FSTL4: variants seen among roughly 807,000 people sequenced by gnomAD.
The protein encoded by FSTL4 is follistatin-related protein 4.
A neutral mutation model predicts 78.2 loss-of-function variants in FSTL4; 28 were observed. The ratio of observed to expected loss-of-function variants is 0.36; its 90% CI spans 0.27 to 0.49. The LOEUF (loss-of-function observed/expected upper bound fraction) is 0.49. Among genes scored for constraint, FSTL4 ranks in the 20% least tolerant of loss-of-function variants. The probability of loss-of-function intolerance (pLI) is 0.98; values close to 1 mark genes in which losing one functional copy is unlikely to be tolerated. For synonymous variants in FSTL4, 422 were observed against 440.5 expected (o/e 0.96, Z 0.53); for missense variants, 922 against 1,084.9 (o/e 0.85, Z 2.11).
intron 2 of FSTL4, among the ~76,000 whole-genome samples, chr5:133,573,234 G>C (rs1309458096): frequency 7.0e-6 from 1 of 142,674 alleles, no homozygotes; most frequent in South Asian, 2.3e-4. Flanking sequence ...ACAGAGTAAG[G>C]CTCTGTCTCA....
rs113257491 is a variant in FSTL4, at chr5:133,491,612, C to T, written c.160+75574G>A. ...AGAGACAGGGTTTCACCATGTTAAC[C>T]AGGATGGTCTCAATCTCCTGACCTC... is the stretch of plus-strand genomic sequence containing the variant. On this transcript the variant is annotated intron_variant, in intron 3 of 15. Coordinates refer to ENST00000265342, the MANE Select transcript of FSTL4 (RefSeq NM_015082.2). 8.7e-3 allele frequency among the ~76,000 whole-genome samples: 1,327 copies of T among 152,130 alleles called. 18 individuals carry two copies. Among genetic ancestry groups the T allele is most frequent in the African/African-American group, 0.03 (1,239 of 41,504 alleles).
chr5:133,414,221 C>T (rs778939075), intron 3 of FSTL4, among the ~76,000 whole-genome samples: 2 of 152,150 alleles, frequency 1.3e-5, no homozygotes, highest in South Asian at 2.1e-4. Flanking sequence ...TTCCTTCTGG[C>T]GATCAGTCTA....
chr5:133,686,805 A>C, the FSTL4 span, among the ~76,000 whole-genome samples: 1 of 152,336 alleles, frequency 6.6e-6, no homozygotes, highest in East Asian at 1.9e-4. Flanking sequence ...ATCAGGAATT[A>C]AGGTGTAGGC....
At chr5:133,332,425 G>A (rs1244165030) in intron 4 of FSTL4, among the ~76,000 whole-genome samples, 1 of 152,208 alleles carries the variant, frequency 6.6e-6, no homozygotes, top group Non-Finnish European at 1.5e-5. Context: ...CACAGTTGAT[G>A]GGAGTGACAG....
At chr5:133,553,876 G>A (rs1158697835) in intron 3 of FSTL4, among the ~76,000 whole-genome samples, 3 of 152,190 alleles carry the variant, frequency 2.0e-5, no homozygotes, top group African/African-American at 7.2e-5. Flanking sequence ...ACAGAGAAGG[G>A]AGAACCTGGA....
intron 8 of FSTL4, among the ~76,000 whole-genome samples, chr5:133,227,553 G>A (rs1425415193): frequency 6.6e-6 from 1 of 152,170 alleles, no homozygotes; most frequent in Admixed American, 6.5e-5. Flanking sequence ...CCTTGGGGGT[G>A]GTTGGAGAAG....
At chr5:133,320,790 G>A (rs1181919321) in intron 4 of FSTL4, among the ~76,000 whole-genome samples, 1 of 151,918 alleles carries the variant, frequency 6.6e-6, no homozygotes, top group East Asian at 1.9e-4. Context: ...GGCGGATCAC[G>A]AGGTCAGGAG....
At chr5:133,333,492 T>C (rs1475475951) in intron 4 of FSTL4, among the ~76,000 whole-genome samples, 1 of 152,190 alleles carries the variant, frequency 6.6e-6, no homozygotes, top group Non-Finnish European at 1.5e-5. Context: ...TGCCCAGGCA[T>C]AGGGGCCCCT....
the FSTL4 span, among the ~76,000 whole-genome samples, chr5:133,621,872 A>C: frequency 1.2e-4 from 18 of 152,216 alleles, no homozygotes; most frequent in Non-Finnish European, 2.5e-4. Flanking sequence ...GTAAGAAATA[A>C]TACAGAGAGA....
chr5:133,488,756 G>C (rs1193149746), intron 3 of FSTL4, among the ~76,000 whole-genome samples: 1 of 152,220 alleles, frequency 6.6e-6, no homozygotes, highest in Non-Finnish European at 1.5e-5. Flanking sequence ...TGGGATGGGA[G>C]TGGGTATGGG....
chr5:133,419,138 TA>T (rs879337285), intron 3 of FSTL4, among the ~76,000 whole-genome samples: 2 of 152,230 alleles, frequency 1.3e-5, no homozygotes, highest in Non-Finnish European at 2.9e-5. Flanking sequence ...TTTTTATTTT[TA>T]TTTTTTGAGA....
the FSTL4 span, among the ~76,000 whole-genome samples, chr5:133,655,391 G>A: frequency 6.6e-6 from 1 of 152,180 alleles, no homozygotes; most frequent in Non-Finnish European, 1.5e-5. Flanking sequence ...TCTGCTCTAA[G>A]CCCAGCAATG....
chr5:133,402,134 C>A (rs1756243025), intron 3 of FSTL4, among the ~76,000 whole-genome samples: 1 of 152,108 alleles, frequency 6.6e-6, no homozygotes, highest in Non-Finnish European at 1.5e-5. Context: ...TCCTTTCTAG[C>A]ACAATGTTGC....
At chr5:133,300,493 C>A (rs1427012650) in intron 6 of FSTL4, among the ~76,000 whole-genome samples, 1 of 152,210 alleles carries the variant, frequency 6.6e-6, no homozygotes, top group African/African-American at 2.4e-5. Flanking sequence ...GTGGCCTCCC[C>A]AGCTGTGGCC....
intron 2 of FSTL4, among the ~76,000 whole-genome samples, chr5:133,578,594 C>A (rs932300910): frequency 6.6e-6 from 1 of 152,154 alleles, no homozygotes; most frequent in Non-Finnish European, 1.5e-5. Flanking sequence ...AGGATAGGTG[C>A]CCATCTTCAG....
At chr5:133,288,448 C>G (rs77639903) in intron 6 of FSTL4, among the ~76,000 whole-genome samples, 1 of 152,246 alleles carries the variant, frequency 6.6e-6, no homozygotes, top group Non-Finnish European at 1.5e-5. Context: ...GGCCCGCTCA[C>G]TGAATTGAAC....
chr5:133,676,344 G>C, the FSTL4 span, among the ~76,000 whole-genome samples: 17 of 152,254 alleles, frequency 1.1e-4, no homozygotes, highest in East Asian at 3.1e-3. Flanking sequence ...TCAGATAGAT[G>C]GAGAAAACTC....
upstream of FSTL4, among the ~76,000 whole-genome samples, chr5:133,614,127 G>A (rs1026017272): frequency 6.6e-6 from 1 of 152,208 alleles, no homozygotes; most frequent in Admixed American, 6.5e-5. Context: ...TTAGAGGCTG[G>A]ATTCGGCTCT....
chr5:133,342,824 G>C (rs1041794768), intron 4 of FSTL4, among the ~76,000 whole-genome samples: 2 of 152,178 alleles, frequency 1.3e-5, no homozygotes, highest in Non-Finnish European at 2.9e-5. Context: ...CCCCTTGGTC[G>C]TTTGCCTTCA....
Sources: allele counts gnomAD v4.1 joint callset (sites outside exome capture counted in the v4.1 genomes callset), GRCh38; gene constraint gnomAD v4.1.1; transcripts MANE v1.5; gene names NCBI Gene and HGNC (gene_info 2026-07-23, HGNC 2026-07-21).